Variants in ZNF75D observed in about 807,000 individuals in gnomAD.
ZNF75D encodes zinc finger protein 75D.
Under a neutral mutation model 33.3 loss-of-function variants are expected in ZNF75D, and 33 were observed. The ratio of observed to expected loss-of-function variants is 0.99; its 90% CI spans 0.75 to 1.32. The LOEUF is 1.32. Ranked by LOEUF, ZNF75D falls within the 40% of genes most tolerant of loss-of-function variation. The probability of loss-of-function intolerance (pLI) is 0.00; values close to 1 mark genes in which losing one functional copy is unlikely to be tolerated. For missense variants in ZNF75D, 338 were observed against 367.5 expected, an observed-to-expected ratio of 0.92 and a Z score of 0.66; for synonymous variants, 113 against 130.6, an observed-to-expected ratio of 0.87 and a Z score of 0.92.
At chrX:135,273,025 T>C (rs2083888445) in intron 1 of ZNF75D, among the ~76,000 whole-genome samples, 1 of 112,079 alleles carries the variant, frequency 8.9e-6, no homozygotes, top group African/African-American at 3.2e-5. Flanking sequence ...TTGGTTTGTT[T>C]GTGTGTTCCG....
rs2083958339 is a variant in ZNF75D at position 135,286,721 on chromosome X, C to T, written c.*416G>A. 7.8e-6 allele frequency: 1 copy of T among 127,989 alleles called. No individual in the cohort carries two copies. The highest frequency in any genetic ancestry group is 3.0e-4 in the South Asian group (1 of 3,314). The allele number at this position is 127,989 out of a possible 1,213,427, so 10.5% of individuals were successfully genotyped here. Reference sequence around the variant, plus strand: ...CTAATTTAGTAATTCTCTCTGAGCTCCCTTAAGAGGGCCCAAGTACTCTTA... The same window carrying T: ...CTAATTTAGTAATTCTCTCTGAGCTTCCTTAAGAGGGCCCAAGTACTCTTA... On this transcript the variant is annotated 3_prime_UTR_variant, in exon 7 of 7. Transcript: ENST00000370766.
intron 1 of ZNF75D, among the ~76,000 whole-genome samples, chrX:135,260,797 C>T (rs1181971938): frequency 1.8e-5 from 2 of 111,795 alleles, no homozygotes; most frequent in East Asian, 2.8e-4. Flanking sequence ...TCTCTATCTC[C>T]TTCAGTTCTG....
chrX:135,288,340 A>G (rs2083987213), intron 6 of ZNF75D, among the ~76,000 whole-genome samples: 1 of 112,775 alleles, frequency 8.9e-6, no homozygotes, highest in Admixed American at 9.4e-5. Flanking sequence ...GAGCTGCTGG[A>G]AAGGTAAAAG....
chrX:135,309,342 A>T (rs1342568886), intron 1 of ZNF75D: 1 of 285,896 alleles, frequency 3.5e-6, no homozygotes, highest in East Asian at 4.9e-5. Context: ...TTCAAATCAG[A>T]TGATGGCCCA....
chrX:135,249,153 C>T (rs1224689121), exon 4 of ZNF75D: 4 of 324,795 alleles, frequency 1.2e-5, no homozygotes, highest in Non-Finnish European at 2.4e-5. Context: ...CGCTCAGCAC[C>T]GATTTAGAGG....
chrX:135,312,876 G>C (rs970899988), intron 1 of ZNF75D, among the ~76,000 whole-genome samples: 1 of 111,345 alleles, frequency 9.0e-6, no homozygotes, highest in Admixed American at 9.5e-5. Context: ...CTTGACTTGA[G>C]TTTCTGGTAT....
chrX:135,306,010 G>C (rs980684162), intron 1 of ZNF75D, among the ~76,000 whole-genome samples: 3 of 111,492 alleles, frequency 2.7e-5, no homozygotes, highest in Admixed American at 1.9e-4. Flanking sequence ...CAATGGCATA[G>C]TGTTTTAACA....
chrX:135,297,963 A>G (rs1278735261), intron 1 of ZNF75D, among the ~76,000 whole-genome samples: 1 of 111,488 alleles, frequency 9.0e-6, no homozygotes, highest in Non-Finnish European at 1.9e-5. Flanking sequence ...TGTATATGCA[A>G]AGAGACAGAC....
chrX:135,286,447 C>A lies in ZNF75D; in HGVS notation c.*690G>T, dbSNP rs2083953016. 8.9e-6 allele frequency: 1 copy of A among 112,370 alleles called. No homozygotes were observed. The highest frequency in any genetic ancestry group is 9.4e-5 in the Admixed American group (1 of 10,615). The allele number at this position is 112,370 out of a possible 1,213,427, so 9.3% of individuals were successfully genotyped here. On this transcript the variant is annotated 3_prime_UTR_variant, in exon 7 of 7. Transcript: ENST00000370766. Reference sequence around the variant, plus strand: ...CACTATATGTCTATGTTGACAAAGTCAGCAAGAGGAGAGATATCAAGTGCT... The same window carrying A: ...CACTATATGTCTATGTTGACAAAGTAAGCAAGAGGAGAGATATCAAGTGCT...
At chrX:135,270,446 A>C in intron 1 of ZNF75D, among the ~76,000 whole-genome samples, 1 of 102,797 alleles carries the variant, frequency 9.7e-6, no homozygotes, top group Non-Finnish European at 2.0e-5. Context: ...ACAAAAATTA[A>C]AAATAAAAAT....
intron 1 of ZNF75D, among the ~76,000 whole-genome samples, chrX:135,325,104 T>C (rs1177666531): frequency 9.1e-6 from 1 of 110,113 alleles, no homozygotes; most frequent in East Asian, 3.0e-4. Context: ...GTATATCCAA[T>C]GGTGACTGCT....
chrX:135,291,692 T>TGC, intron 4 of ZNF75D, 129 bp from the exon 5 acceptor site: 1 of 929,441 alleles, frequency 1.1e-6, no homozygotes, highest in Admixed American at 3.4e-5. Flanking sequence ...GTGTGTGTGG[T>TGC]GCCAAGAAGT....
Position 135,293,952 on chromosome X carries a change from C to A in ZNF75D, c.189G>T (p.Pro63=). The A allele has an allele frequency of 8.3e-7, 1 of 1,211,280 alleles. No homozygotes were observed. The part of the protein sequence containing the change: ...WSFRYHEATG[P]LETISQLQKL... ...TCTGAAGTTGGCTGATAGTCTCAAG[C>A]GGTCCGGTTGCTTCATGATAACGGA... The change falls in exon 3 of 7, where the codon CCG becomes CCT. Residue 63 remains proline, a synonymous_variant. Coordinates refer to ENST00000370766, the MANE Select transcript of ZNF75D (RefSeq NM_007131.5).
intron 6 of ZNF75D, among the ~76,000 whole-genome samples, chrX:135,288,547 G>T (rs2083990093): frequency 8.9e-6 from 1 of 112,042 alleles, no homozygotes; most frequent in Non-Finnish European, 1.9e-5. Context: ...GTATCTTGTA[G>T]CTAGGTAATA....
Position 135,341,752 on chromosome X carries a change from T to A in ZNF75D, c.-391+16A>T, listed in dbSNP as rs182484502. On this transcript the variant is annotated intron_variant, in intron 1 of 6. Transcript: ENST00000370766. ...ATCAGTGACTTCAAATATGCAGACA[T>A]CCCCATTTAACTCACCTGTTTGGCC... 1.8e-5 allele frequency: 2 copies of A among 112,164 alleles called. No individual in the cohort carries two copies. Among genetic ancestry groups the A allele is most frequent in the African/African-American group, 6.5e-5 (2 of 30,827 alleles). The allele number at this position is 112,164 out of a possible 1,213,427, so 9.2% of individuals were successfully genotyped here.
downstream of ZNF75D, among the ~76,000 whole-genome samples, chrX:135,283,745 A>C (rs111748981): frequency 0.01 from 1,171 of 111,799 alleles, 17 homozygotes; most frequent in African/African-American, 0.035. Flanking sequence ...CAAGGCAATA[A>C]AGGAGGAAGA....
rs781940121 is a variant in ZNF75D at position 135,291,010 on chromosome X, TAG to T, written c.820_821del (p.Leu274ArgfsTer7). The T allele has an allele frequency of 8.3e-7, 1 of 1,206,804 alleles. No homozygotes were observed. Among genetic ancestry groups the T allele is most frequent in the Non-Finnish European group, 1.1e-6 (1 of 891,810 alleles). ...ACAATGGGAAGGAAGAATCTTTACCTAGAGAGATGACAGTCTCATAGATATCC... is the reference window on the plus strand; with the variant it reads ...ACAATGGGAAGGAAGAATCTTTACCTAGAGATGACAGTCTCATAGATATCC... ...MQDIYETVIS[L>X]GLKLKNDTGN... On this transcript the variant is annotated frameshift_variant and splice_region_variant, in exon 6 of 7. Coordinates refer to ENST00000370766, the MANE Select transcript of ZNF75D (RefSeq NM_007131.5). LOFTEE classifies it high-confidence loss of function.
intron 1 of ZNF75D, among the ~76,000 whole-genome samples, chrX:135,308,860 G>A (rs1181122083): frequency 8.9e-6 from 1 of 111,977 alleles, no homozygotes; most frequent in Non-Finnish European, 1.9e-5. Flanking sequence ...CCATACCTGC[G>A]TCACCAGTGA....
chrX:135,263,792 C>T (rs979885232), intron 1 of ZNF75D, among the ~76,000 whole-genome samples: 27 of 112,846 alleles, frequency 2.4e-4, no homozygotes, highest in African/African-American at 6.8e-4. Context: ...GACACCCCGC[C>T]CTGCTTCAGC....
Sources: allele counts gnomAD v4.1 joint callset (sites outside exome capture counted in the v4.1 genomes callset), GRCh38; gene constraint gnomAD v4.1.1; transcripts MANE v1.5; gene names NCBI Gene and HGNC (gene_info 2026-07-23, HGNC 2026-07-21).